Variants in MTURN observed in about 807,000 individuals in gnomAD.
MTURN encodes maturin, neural progenitor differentiation regulator homolog.
In MTURN, 7 loss-of-function variants were observed where a neutral mutation model predicts 14.9. That is an observed-to-expected ratio of 0.47 (90% confidence interval 0.27 to 0.88). The LOEUF (loss-of-function observed/expected upper bound fraction) is 0.88, where lower values mean the gene tolerates loss of function less well. MTURN is among the 40% of genes least tolerant of loss of function. The pLI, the probability that MTURN is intolerant of heterozygous loss-of-function variation, is 0.14. For missense variants in MTURN, 151 were observed against 174.1 expected, an observed-to-expected ratio of 0.87 and a Z score of 0.75; for synonymous variants, 69 against 72.5, an observed-to-expected ratio of 0.95 and a Z score of 0.25.
rs375223784 is a variant in MTURN at position 30,162,527 on chromosome 7, G to A, written c.*4979G>A. ...TTTTTTTTAGGCAAGAAGTGTTGCC[G>A]GTAGGGTATGTGTGCTTTCTTTGCC... On this transcript the variant is annotated 3_prime_UTR_variant, in exon 3 of 3. Coordinates refer to ENST00000324453, the MANE Select transcript of MTURN (RefSeq NM_152793.3). 8 of 151,552 alleles carry A rather than the reference G, an allele frequency of 5.3e-5. No individual in the cohort carries two copies. Among genetic ancestry groups the A allele is most frequent in the South Asian group, 2.1e-4 (1 of 4,776 alleles). 9.4% of individuals were successfully genotyped at this position (151,552 alleles called of 1,614,324 possible). A position where few individuals can be genotyped will look rare whatever the true frequency, so the allele number is the denominator to read the frequency against.
At chr7:30,135,379 G>C (rs1796930119) in intron 1 of MTURN, 81 bp downstream of exon 1, 1 of 1,266,402 alleles carries the variant, frequency 7.9e-7, no homozygotes, top group South Asian at 1.7e-5. Context: ...GCTCCCGCGC[G>C]GTGGGCGGCG....
chr7:30,143,997 C>G (rs557464651), intron 1 of MTURN, among the ~76,000 whole-genome samples: 43 of 152,374 alleles, frequency 2.8e-4, no homozygotes, highest in African/African-American at 8.9e-4. Context: ...CCTGAGTTGC[C>G]TCAGGCAGTG....
chr7:30,140,260 C>T (rs935603173), intron 1 of MTURN, among the ~76,000 whole-genome samples: 1 of 152,058 alleles, frequency 6.6e-6, no homozygotes, highest in African/African-American at 2.4e-5. Flanking sequence ...CCCAAAGACA[C>T]GTTGGACTCT....
intron 2 of MTURN, among the ~76,000 whole-genome samples, chr7:30,153,740 C>T (rs1032978214): frequency 2.0e-5 from 3 of 150,298 alleles, no homozygotes; most frequent in African/African-American, 5.0e-5. Flanking sequence ...TTTTTTTAGA[C>T]GGAGTCTTGC....
intron 1 of MTURN, among the ~76,000 whole-genome samples, chr7:30,138,334 C>T (rs917825050): frequency 2.0e-5 from 3 of 152,082 alleles, no homozygotes; most frequent in African/African-American, 7.2e-5. Flanking sequence ...AGGCTGGTCT[C>T]GAACTCCTGG....
intron 1 of MTURN, chr7:30,145,751 T>G: frequency 7.4e-7 from 1 of 1,343,850 alleles, no homozygotes; most frequent in African/African-American, 1.5e-5. Context: ...AAGTTAATGC[T>G]TACAAACTAT....
intron 1 of MTURN, chr7:30,145,783 T>C (rs1797120072): frequency 1.4e-6 from 2 of 1,442,852 alleles, no homozygotes; most frequent in African/African-American, 1.4e-5. Flanking sequence ...CTTTCAGCCG[T>C]AGCTGAAAGC....
At chr7:30,148,756 TG>T (rs1429588818) in intron 2 of MTURN, among the ~76,000 whole-genome samples, 1 of 86,934 alleles carries the variant, frequency 1.2e-5, no homozygotes, top group East Asian at 4.4e-4. Flanking sequence ...TTTACTGAGA[TG>T]GGGAAGGCTG....
intron 2 of MTURN, among the ~76,000 whole-genome samples, chr7:30,146,980 C>G (rs924881845): frequency 5.3e-5 from 8 of 152,194 alleles, no homozygotes; most frequent in Non-Finnish European, 1.2e-4. Flanking sequence ...CAGTGTTTCC[C>G]CTAAGTTCGA....
chr7:30,152,535 C>G (rs1019463376), intron 2 of MTURN, among the ~76,000 whole-genome samples: 2 of 152,180 alleles, frequency 1.3e-5, no homozygotes, highest in Non-Finnish European at 2.9e-5. Context: ...ATTATCCACA[C>G]CTACACATAG....
Position 30,157,718 on chromosome 7 carries a change from G to C in MTURN, c.*170G>C. On this transcript the variant is annotated 3_prime_UTR_variant, in exon 3 of 3. Transcript: ENST00000324453. ...AACGACCACAAAATATCTGTGATGA[G>C]CTTTGCTCAGAAGTGACCTGAATTT... 2.4e-6 allele frequency: 1 copy of C among 409,686 alleles called. No homozygotes were observed. The highest frequency in any genetic ancestry group is 2.1e-5 in the African/African-American group (1 of 47,776). The allele number at this position is 409,686 out of a possible 1,614,324, so 25.4% of individuals were successfully genotyped here. A position where few individuals can be genotyped will look rare whatever the true frequency, so the allele number is the denominator to read the frequency against.
intron 1 of MTURN, among the ~76,000 whole-genome samples, chr7:30,138,797 G>T (rs754597606): frequency 5.9e-5 from 9 of 152,106 alleles, no homozygotes; most frequent in Non-Finnish European, 1.2e-4. Context: ...GCCCCCACAT[G>T]ATCTACCTTC....
At chr7:30,135,575 C>T (rs1468835146) in intron 1 of MTURN, among the ~76,000 whole-genome samples, 1 of 152,098 alleles carries the variant, frequency 6.6e-6, no homozygotes, top group East Asian at 1.9e-4. Context: ...AAGGCCACTC[C>T]TCTCCCCGCT....
chr7:30,145,792 GC>G (rs1797120308), intron 1 of MTURN: 1 of 1,492,976 alleles, frequency 6.7e-7, no homozygotes, highest in African/African-American at 1.4e-5. Flanking sequence ...GTAGCTGAAA[GC>G]AAAGTTAAGG....
chr7:30,143,343 C>T (rs1193841858), intron 1 of MTURN, among the ~76,000 whole-genome samples: 4 of 150,408 alleles, frequency 2.7e-5, no homozygotes, highest in Non-Finnish European at 5.9e-5. Flanking sequence ...ATCTTATTTC[C>T]CTCCCTTTGT....
At chr7:30,137,671 C>A in intron 1 of MTURN, 1 of 471,198 alleles carries the variant, frequency 2.1e-6, no homozygotes, top group South Asian at 1.5e-5. Context: ...CCTAGCCGGA[C>A]CTCTTGAATC....
At chr7:30,153,800 C>T (rs771254035) in intron 2 of MTURN, among the ~76,000 whole-genome samples, 1 of 152,184 alleles carries the variant, frequency 6.6e-6, no homozygotes, top group Non-Finnish European at 1.5e-5. Context: ...TCACTGCAAC[C>T]TCTGTCTTCC....
chr7:30,143,594 G>C (rs1797086962), intron 1 of MTURN, among the ~76,000 whole-genome samples: 1 of 152,070 alleles, frequency 6.6e-6, no homozygotes, highest in African/African-American at 2.4e-5. Context: ...TGTGGACAAG[G>C]ATTCAGTTAC....
intron 2 of MTURN, among the ~76,000 whole-genome samples, chr7:30,147,532 G>A (rs1797146825): frequency 6.6e-6 from 1 of 152,166 alleles, no homozygotes. Context: ...CTGCTCCTTT[G>A]GAAAACTGTT....
Sources: gnomAD v4.1 joint callset for allele counts (sites outside exome capture counted in the v4.1 genomes callset) on GRCh38, gnomAD v4.1.1 for gene constraint, MANE v1.5 for transcripts, NCBI Gene and HGNC (gene_info 2026-07-23, HGNC 2026-07-21) for gene names.